Variants in DLG1 observed in about 807,000 individuals in gnomAD.
DLG1 encodes disks large homolog 1.
Under a neutral mutation model 123.4 loss-of-function variants are expected in DLG1, and 42 were observed. That is an observed-to-expected ratio of 0.34 (90% CI 0.27 to 0.44). The LOEUF (loss-of-function observed/expected upper bound fraction) is 0.44. DLG1 is among the 20% of genes least tolerant of loss of function. The pLI is 1.00. For missense variants in DLG1, 942 were observed against 1,082.6 expected (o/e 0.87, Z 1.82); for synonymous variants, 317 against 356.2 (o/e 0.89, Z 1.24).
intron 4 of DLG1, among the ~76,000 whole-genome samples, chr3:197,263,684 G>A (rs1476447022): frequency 6.6e-6 from 1 of 152,152 alleles, no homozygotes; most frequent in Non-Finnish European, 1.5e-5. Flanking sequence ...CTACTCGGGA[G>A]GCTGAGGTGG....
chr3:197,047,794 T>C (rs1044985480), intron 24 of DLG1, among the ~76,000 whole-genome samples: 1 of 151,782 alleles, frequency 6.6e-6, no homozygotes, highest in Non-Finnish European at 1.5e-5. Flanking sequence ...AAGACTTAAA[T>C]GTAAAACCAG....
rs1051171042 is a variant in DLG1, at chr3:197,277,474, G to A, written c.318+5205C>T. Among the ~76,000 whole-genome samples, 3 of 152,126 alleles carry A rather than the reference G, an allele frequency of 2.0e-5. No individual in the cohort carries two copies. The East Asian group carries it at 5.8e-4, about 29-fold the overall frequency. On this transcript the variant is annotated intron_variant, in intron 4 of 24. Transcript: ENST00000667157. ...TCACGTCTCTGCCTCCCAAGCAGCT[G>A]GAACCACAGGCACGCACCACCACAC... is the stretch of plus-strand genomic sequence containing the variant.
At chr3:197,095,642 A>G (rs150265016) in intron 14 of DLG1, among the ~76,000 whole-genome samples, 3 of 152,296 alleles carry the variant, frequency 2.0e-5, no homozygotes, top group Non-Finnish European at 4.4e-5. Flanking sequence ...TAATCGCTTG[A>G]TAAAAGTTGT....
intron 11 of DLG1, among the ~76,000 whole-genome samples, chr3:197,122,193 A>C (rs1776788386): frequency 6.6e-6 from 1 of 152,108 alleles, no homozygotes; most frequent in African/African-American, 2.4e-5. Context: ...TAGAAAATCA[A>C]TGTAATTTAT....
intron 10 of DLG1, among the ~76,000 whole-genome samples, chr3:197,135,862 A>G (rs1784821924): frequency 6.6e-6 from 1 of 151,690 alleles, no homozygotes; most frequent in Non-Finnish European, 1.5e-5. Flanking sequence ...CCCAGACTGC[A>G]GTGCAGTGGG....
chr3:197,167,052 C>T (rs1801813050), intron 5 of DLG1, among the ~76,000 whole-genome samples: 1 of 152,006 alleles, frequency 6.6e-6, no homozygotes, highest in African/African-American at 2.4e-5. Context: ...TGACAAAGGA[C>T]ACAGAAGTTG....
intron 13 of DLG1, among the ~76,000 whole-genome samples, chr3:197,108,519 G>C (rs1767883270): frequency 6.6e-6 from 1 of 152,122 alleles, no homozygotes; most frequent in African/African-American, 2.4e-5. Context: ...GTTAGTTTCA[G>C]TAGTTTATGT....
intron 14 of DLG1, among the ~76,000 whole-genome samples, chr3:197,091,455 C>G (rs1187761337): frequency 1.3e-5 from 2 of 151,894 alleles, no homozygotes; most frequent in Admixed American, 1.3e-4. Flanking sequence ...TTGAGACAAT[C>G]AGTTCATTTT....
intron 4 of DLG1, among the ~76,000 whole-genome samples, chr3:197,273,650 A>AT (rs1253914701): frequency 6.6e-6 from 1 of 152,142 alleles, no homozygotes; most frequent in Non-Finnish European, 1.5e-5. Flanking sequence ...AGTATCCCTT[A>AT]ACACCATTCA....
At chr3:197,132,583 T>C (rs1206138679) in intron 10 of DLG1, among the ~76,000 whole-genome samples, 2 of 151,934 alleles carry the variant, frequency 1.3e-5, no homozygotes, top group African/African-American at 4.8e-5. Flanking sequence ...ACATATTAAA[T>C]AGCTGTGGCA....
chr3:197,104,600 T>C (rs1489403090), intron 14 of DLG1, among the ~76,000 whole-genome samples: 1 of 152,092 alleles, frequency 6.6e-6, no homozygotes, highest in Non-Finnish European at 1.5e-5. Flanking sequence ...GAGAATCACT[T>C]GAACCTGGGA....
chr3:197,160,369 A>G (rs1319694129), intron 5 of DLG1, among the ~76,000 whole-genome samples: 1 of 71,162 alleles, frequency 1.4e-5, no homozygotes, highest in Admixed American at 1.6e-4. Context: ...CAATTCTATT[A>G]AAAAAAAAAA....
At chr3:197,155,035 C>T (rs1795747366) in intron 5 of DLG1, among the ~76,000 whole-genome samples, 1 of 152,124 alleles carries the variant, frequency 6.6e-6, no homozygotes, top group South Asian at 2.1e-4. Context: ...ATAGCCAAAA[C>T]TTCTCAGATT....
At chr3:197,192,547 A>T (rs748510178) in intron 5 of DLG1, among the ~76,000 whole-genome samples, 1 of 152,062 alleles carries the variant, frequency 6.6e-6, no homozygotes, top group Non-Finnish European at 1.5e-5. Context: ...TAAACAGCCA[A>T]AAAATCAGAT....
At chr3:197,297,317 C>G in intron 1 of DLG1, 82 bp from the exon 2 acceptor site, 1 of 1,552,060 alleles carries the variant, frequency 6.4e-7, no homozygotes, top group Non-Finnish European at 8.7e-7. Context: ...AAAACCCTCG[C>G]AGCCTATTTG....
intron 15 of DLG1, among the ~76,000 whole-genome samples, chr3:197,089,481 C>T (rs370566149): frequency 3.2e-4 from 48 of 150,488 alleles, no homozygotes; most frequent in Admixed American, 1.3e-3. Context: ...GAGCTGAGAT[C>T]GCGCCACTGC....
intron 5 of DLG1, among the ~76,000 whole-genome samples, chr3:197,184,955 C>A (rs776654742): frequency 2.0e-5 from 3 of 152,068 alleles, no homozygotes. Flanking sequence ...AAAATGTTTA[C>A]GGGCAGGGGG....
chr3:197,089,189 G>A (rs909823656), intron 15 of DLG1, among the ~76,000 whole-genome samples: 5 of 152,164 alleles, frequency 3.3e-5, no homozygotes, highest in Admixed American at 2.0e-4. Context: ...GGCTGGTGCC[G>A]GTGACAGTTG....
chr3:197,289,341 T>TATACACAC (rs1553828785), intron 3 of DLG1, among the ~76,000 whole-genome samples: 3 of 150,286 alleles, frequency 2.0e-5, no homozygotes, highest in African/African-American at 4.9e-5. Flanking sequence ...TACACGCGCA[T>TATACACAC]ACACACACAC....
Sources: allele counts gnomAD v4.1 joint callset (sites outside exome capture counted in the v4.1 genomes callset), GRCh38; gene constraint gnomAD v4.1.1; transcripts MANE v1.5; gene names NCBI Gene and HGNC (gene_info 2026-07-23, HGNC 2026-07-21).